PI4K2A: variants seen among roughly 807,000 people sequenced by gnomAD.
The protein encoded by PI4K2A is phosphatidylinositol 4-kinase type 2 alpha, also known as phosphatidylinositol 4-kinase type 2-alpha.
In PI4K2A, 20 loss-of-function variants were observed where a neutral mutation model predicts 55.0. The observed-to-expected ratio is 0.36, with a 90% CI of 0.26 to 0.53. The LOEUF (loss-of-function observed/expected upper bound fraction) is 0.53, where lower values mean the gene tolerates loss of function less well. Ranked by LOEUF, PI4K2A falls within the 20% of genes least tolerant of loss-of-function variation. The pLI is 0.91. For synonymous variants in PI4K2A, 235 were observed against 258.5 expected (o/e 0.91, Z 0.87); for missense variants, 463 against 637.1 (o/e 0.73, Z 2.94).
At chr10:97,641,078 G>A (rs763955573) in exon 1 of PI4K2A, 2 of 1,608,516 alleles carry the variant, frequency 1.2e-6, no homozygotes, top group Admixed American at 1.7e-5. Flanking sequence ...AGTTCGAGGC[G>A]GTGGTGCGGC....
At chr10:97,647,830 C>T (rs912948755) in intron 1 of PI4K2A, among the ~76,000 whole-genome samples, 2 of 151,314 alleles carry the variant, frequency 1.3e-5, no homozygotes, top group African/African-American at 4.8e-5. Flanking sequence ...TCTTATTCTC[C>T]TTATGGTAGA....
At chr10:97,644,810 A>C (rs529725132) in intron 1 of PI4K2A, among the ~76,000 whole-genome samples, 2 of 152,230 alleles carry the variant, frequency 1.3e-5, no homozygotes, top group South Asian at 4.2e-4. Flanking sequence ...TTTTTCGCCC[A>C]GGTAAAAATC....
chr10:97,663,807 A>G (rs2041597654), intron 5 of PI4K2A, among the ~76,000 whole-genome samples: 1 of 146,640 alleles, frequency 6.8e-6, no homozygotes, highest in South Asian at 2.2e-4. Flanking sequence ...ACGACAGAGC[A>G]AGACTCTGTC....
At chr10:97,651,635 C>T (rs2135754767) in intron 2 of PI4K2A, among the ~76,000 whole-genome samples, 1 of 152,304 alleles carries the variant, frequency 6.6e-6, no homozygotes, top group South Asian at 2.1e-4. Context: ...TCTAACTTAT[C>T]TTTATGCTGT....
At chr10:97,641,790 G>C (rs2041471141) in intron 1 of PI4K2A, among the ~76,000 whole-genome samples, 1 of 152,188 alleles carries the variant, frequency 6.6e-6, no homozygotes. Flanking sequence ...CGACTCCAAA[G>C]TTTAGATAGA....
chr10:97,655,794 C>T (rs913024061), intron 2 of PI4K2A, among the ~76,000 whole-genome samples: 1 of 152,050 alleles, frequency 6.6e-6, no homozygotes, highest in South Asian at 2.1e-4. Context: ...AGGCTGGTCT[C>T]GAACTCCTGA....
chr10:97,649,609 A>ATTTTTT (rs60329004), intron 1 of PI4K2A, among the ~76,000 whole-genome samples: 3,366 of 70,484 alleles, frequency 0.048, 891 homozygotes, highest in Non-Finnish European at 0.083. Context: ...TCCATAATAG[A>ATTTTTT]TTTTTTTTTT....
chr10:97,643,361 T>C (rs1221949839), intron 1 of PI4K2A, among the ~76,000 whole-genome samples: 1 of 151,880 alleles, frequency 6.6e-6, no homozygotes, highest in Non-Finnish European at 1.5e-5. Flanking sequence ...CTTTGATAGG[T>C]ACAGGAGAAG....
intron 8 of PI4K2A, among the ~76,000 whole-genome samples, chr10:97,668,809 A>C (rs190653433): frequency 1.3e-5 from 2 of 152,186 alleles, no homozygotes; most frequent in Admixed American, 1.3e-4. Flanking sequence ...AAGACCTCTG[A>C]TGACAGCACC....
At chr10:97,646,303 C>T (rs1264065398) in intron 1 of PI4K2A, among the ~76,000 whole-genome samples, 3 of 152,004 alleles carry the variant, frequency 2.0e-5, no homozygotes, top group East Asian at 3.9e-4. Flanking sequence ...CAACCTCTGC[C>T]TCCTGGGTTC....
chr10:97,651,275 TC>T, intron 2 of PI4K2A, 134 bp downstream of exon 2: 3 of 638,934 alleles, frequency 4.7e-6, no homozygotes, highest in Non-Finnish European at 8.3e-6. Flanking sequence ...CGATCTTTTT[TC>T]GGGAGGATGG....
chr10:97,660,334 C>A (rs1490658307), intron 4 of PI4K2A, among the ~76,000 whole-genome samples: 1 of 138,398 alleles, frequency 7.2e-6, no homozygotes, highest in Non-Finnish European at 1.5e-5. Flanking sequence ...CTCACTCTGT[C>A]GCCCAGGCTG....
exon 9 of PI4K2A, chr10:97,673,771 C>A: frequency 1.2e-6 from 2 of 1,608,294 alleles, no homozygotes; most frequent in Non-Finnish European, 1.7e-6. Flanking sequence ...GAAATATTGT[C>A]AGAGACTGGT....
At chr10:97,663,671 T>A (rs1340908780) in intron 5 of PI4K2A, among the ~76,000 whole-genome samples, 1 of 151,400 alleles carries the variant, frequency 6.6e-6, no homozygotes, top group African/African-American at 2.4e-5. Flanking sequence ...AATGCAAAAA[T>A]TAGCCGGGCA....
exon 9 of PI4K2A, chr10:97,673,620 C>A: frequency 6.2e-7 from 1 of 1,614,074 alleles, no homozygotes; most frequent in Non-Finnish European, 8.5e-7. Flanking sequence ...CAACAAGAGT[C>A]CCCTGCACCT....
intron 1 of PI4K2A, among the ~76,000 whole-genome samples, chr10:97,649,163 C>G (rs1042254512): frequency 2.0e-5 from 3 of 152,098 alleles, no homozygotes; most frequent in Admixed American, 2.0e-4. Context: ...ATCTTATGAC[C>G]CAGACTAGCT....
chr10:97,646,016 G>C (rs2041503362), intron 1 of PI4K2A, among the ~76,000 whole-genome samples: 1 of 152,104 alleles, frequency 6.6e-6, no homozygotes, highest in South Asian at 2.1e-4. Flanking sequence ...ACCTCTGGGA[G>C]TTCCTTTTTG....
At chr10:97,645,456 A>C (rs1261415489) in intron 1 of PI4K2A, among the ~76,000 whole-genome samples, 1 of 151,720 alleles carries the variant, frequency 6.6e-6, no homozygotes, top group South Asian at 2.1e-4. Flanking sequence ...GAAATACAAA[A>C]AATTAGCCGG....
At chr10:97,643,484 A>C (rs2041488908) in intron 1 of PI4K2A, among the ~76,000 whole-genome samples, 1 of 152,188 alleles carries the variant, frequency 6.6e-6, no homozygotes, top group Non-Finnish European at 1.5e-5. Context: ...ACGATCTCTT[A>C]ATTCTACCTG....
Sources: allele counts gnomAD v4.1 joint callset (sites outside exome capture counted in the v4.1 genomes callset), GRCh38; gene constraint gnomAD v4.1.1; transcripts MANE v1.5; gene names NCBI Gene and HGNC (gene_info 2026-07-23, HGNC 2026-07-21).